Variants in LRMDA observed in about 807,000 individuals in gnomAD.
LRMDA encodes leucine rich melanocyte differentiation associated.
A neutral mutation model predicts 29.8 loss-of-function variants in LRMDA; 18 were observed. That is an observed-to-expected ratio of 0.60 (90% CI 0.42 to 0.90). The LOEUF is 0.90. Ranked by LOEUF, LRMDA falls within the 40% of genes least tolerant of loss-of-function variation. The pLI, the probability that LRMDA is intolerant of heterozygous loss-of-function variation, is 0.00. For missense variants in LRMDA, 273 were observed against 273.9 expected, an observed-to-expected ratio of 1.00 and a Z score of 0.02; for synonymous variants, 125 against 109.4, an observed-to-expected ratio of 1.14 and a Z score of -0.89.
chr10:76,193,576 G>A (rs923269849), intron 5 of LRMDA, among the ~76,000 whole-genome samples: 9 of 151,866 alleles, frequency 5.9e-5, no homozygotes, highest in African/African-American at 1.9e-4. Context: ...TATTATTATC[G>A]CATATCTCTG....
intron 2 of LRMDA, among the ~76,000 whole-genome samples, chr10:75,952,473 C>T (rs1846593055): frequency 6.6e-6 from 1 of 152,120 alleles, no homozygotes; most frequent in Non-Finnish European, 1.5e-5. Flanking sequence ...TGGGTTTCTT[C>T]AGATACGTTT....
intron 2 of LRMDA, among the ~76,000 whole-genome samples, chr10:76,020,385 T>C (rs1188606762): frequency 6.6e-6 from 1 of 152,150 alleles, no homozygotes; most frequent in Admixed American, 6.5e-5. Flanking sequence ...AAAAAGAACA[T>C]TTCTAAGTCT....
intron 5 of LRMDA, among the ~76,000 whole-genome samples, chr10:76,114,830 C>G (rs763300796): frequency 6.6e-6 from 1 of 152,174 alleles, no homozygotes; most frequent in African/African-American, 2.4e-5. Context: ...AGTACAAAAC[C>G]AACACTCGGA....
intron 2 of LRMDA, among the ~76,000 whole-genome samples, chr10:76,033,652 A>G (rs561319724): frequency 3.9e-5 from 6 of 152,272 alleles, no homozygotes; most frequent in African/African-American, 1.2e-4. Flanking sequence ...ACTCAGGAAC[A>G]ATGTGTATTT....
rs541725028 is a variant in LRMDA, at chr10:76,019,912, G to A, written c.132-16096G>A. On this transcript the variant is annotated intron_variant, in intron 2 of 6. Transcript: ENST00000611255. ...AAGTCAGGGCTGGGCCTGGGCTTCT[G>A]AATTTTTGATAAGTCTCAGGAGATT... is the stretch of plus-strand genomic sequence containing the variant. 8.5e-5 allele frequency among the ~76,000 whole-genome samples: 13 copies of A among 152,314 alleles called. No homozygotes were observed. The South Asian group carries it at 2.7e-3, about 32-fold the overall frequency.
At chr10:75,663,798 C>T (rs1420715792) in intron 2 of LRMDA, among the ~76,000 whole-genome samples, 1 of 152,278 alleles carries the variant, frequency 6.6e-6, no homozygotes, top group East Asian at 1.9e-4. Flanking sequence ...TAACTCTGGG[C>T]TTAGTTTAGA....
intron 2 of LRMDA, among the ~76,000 whole-genome samples, chr10:75,759,123 C>T (rs1843065878): frequency 6.6e-6 from 1 of 152,126 alleles, no homozygotes; most frequent in Non-Finnish European, 1.5e-5. Context: ...AATGAAATTA[C>T]CTGCAAAATC....
chr10:75,467,876 G>T (rs1416133932), intron 2 of LRMDA, among the ~76,000 whole-genome samples: 7 of 151,602 alleles, frequency 4.6e-5, no homozygotes, highest in Admixed American at 4.6e-4. Context: ...TAGGAGAATC[G>T]CATGAACTCG....
rs142818486 is a variant in LRMDA at position 75,524,658 on chromosome 10, T to C, written c.131+86164T>C. Among the ~76,000 whole-genome samples the C allele has an allele frequency of 4.5e-3, 684 of 152,282 alleles. 4 individuals carry two copies. Among genetic ancestry groups the C allele is most frequent in the African/African-American group, 0.016 (646 of 41,552 alleles). ...TGTCTTCTTCACAACTTGGCCTATG[T>C]AGTAATCAGATGAAGACATTTTGGA... On this transcript the variant is annotated intron_variant, in intron 2 of 6. Transcript: ENST00000611255.
At chr10:75,849,330 C>T (rs1218275582) in intron 2 of LRMDA, among the ~76,000 whole-genome samples, 1 of 151,916 alleles carries the variant, frequency 6.6e-6, no homozygotes, top group East Asian at 1.9e-4. Context: ...TTAGAAAGCC[C>T]TAAGTAGTTC....
intron 5 of LRMDA, among the ~76,000 whole-genome samples, chr10:76,207,623 A>G (rs76110118): frequency 0.013 from 1,903 of 152,150 alleles, 41 homozygotes; most frequent in African/African-American, 0.043. Flanking sequence ...TACCTATCCA[A>G]TGGGATCATC....
intron 2 of LRMDA, among the ~76,000 whole-genome samples, chr10:75,762,242 T>C (rs1220230478): frequency 6.6e-6 from 1 of 152,200 alleles, no homozygotes; most frequent in Non-Finnish European, 1.5e-5. Context: ...CATGTTTTGT[T>C]TTTCCTGTAA....
chr10:75,920,742 C>T (rs1045326440), intron 2 of LRMDA, among the ~76,000 whole-genome samples: 1 of 152,178 alleles, frequency 6.6e-6, no homozygotes, highest in Non-Finnish European at 1.5e-5. Context: ...GAAAATGAAA[C>T]ACAGCTCAGC....
intron 2 of LRMDA, among the ~76,000 whole-genome samples, chr10:75,646,015 T>C (rs1271708992): frequency 1.3e-5 from 2 of 152,020 alleles, no homozygotes; most frequent in African/African-American, 4.8e-5. Context: ...CCTCTATCTG[T>C]ACTCCTAAAC....
intron 2 of LRMDA, among the ~76,000 whole-genome samples, chr10:75,876,317 A>G (rs1282719248): frequency 6.6e-6 from 1 of 152,170 alleles, no homozygotes; most frequent in Non-Finnish European, 1.5e-5. Context: ...TATTTTAGAA[A>G]TGTCACTTGA....
At chr10:76,019,733 G>A (rs1847938703) in intron 2 of LRMDA, among the ~76,000 whole-genome samples, 1 of 152,138 alleles carries the variant, frequency 6.6e-6, no homozygotes, top group Admixed American at 6.6e-5. Context: ...TATAATTGGT[G>A]CAGCTTGGAT....
chr10:76,494,882 G>A (rs182301338), intron 6 of LRMDA, among the ~76,000 whole-genome samples: 1 of 151,756 alleles, frequency 6.6e-6, no homozygotes, highest in African/African-American at 2.4e-5. Flanking sequence ...AAATATTTTG[G>A]GGTTTTACAG....
intron 3 of LRMDA, among the ~76,000 whole-genome samples, chr10:76,046,771 A>G (rs1848445983): frequency 6.6e-6 from 1 of 152,254 alleles, no homozygotes; most frequent in Non-Finnish European, 1.5e-5. Flanking sequence ...GGTGTGGGCC[A>G]CCATGCCCAG....
intron 2 of LRMDA, among the ~76,000 whole-genome samples, chr10:76,025,138 A>T (rs1272134302): frequency 3.3e-5 from 5 of 152,036 alleles, no homozygotes; most frequent in African/African-American, 1.2e-4. Flanking sequence ...CAAGCCGTGA[A>T]TCAAAATAAT....
Sources: gnomAD v4.1 joint callset for allele counts (sites outside exome capture counted in the v4.1 genomes callset) on GRCh38, gnomAD v4.1.1 for gene constraint, MANE v1.5 for transcripts, NCBI Gene and HGNC (gene_info 2026-07-23, HGNC 2026-07-21) for gene names.